The following AIG1 variants were observed in gnomAD, a reference collection of about 807,000 sequenced individuals.
The protein encoded by AIG1 is androgen-induced gene 1 protein.
AIG1 carries 23 observed loss-of-function variants against 31.4 expected under a neutral mutation model. That is an observed-to-expected ratio of 0.73 (90% CI 0.53 to 1.04). The LOEUF (loss-of-function observed/expected upper bound fraction) is 1.04, where lower values mean the gene tolerates loss of function less well. Ranked by LOEUF, AIG1 falls within the 50% of genes least tolerant of loss-of-function variation. The probability of loss-of-function intolerance (pLI) is 0.00; values close to 1 mark genes in which losing one functional copy is unlikely to be tolerated. For synonymous variants in AIG1, 100 were observed against 110.5 expected (o/e 0.90, Z 0.60); for missense variants, 274 against 295.0 (o/e 0.93, Z 0.52).
At chr6:143,096,635 C>A (rs1412309121) in intron 1 of AIG1, among the ~76,000 whole-genome samples, 1 of 152,170 alleles carries the variant, frequency 6.6e-6, no homozygotes, top group Non-Finnish European at 1.5e-5. Context: ...TGCTTAATAG[C>A]TCACTGTGGG....
At chr6:143,221,276 C>G (rs1792495742) in intron 3 of AIG1, among the ~76,000 whole-genome samples, 1 of 152,158 alleles carries the variant, frequency 6.6e-6, no homozygotes, top group Non-Finnish European at 1.5e-5. Flanking sequence ...TCCAGTCCCC[C>G]CTCCAACTTG....
rs373617178 is a variant in AIG1, at chr6:143,094,385, G to A, written c.141+33319G>A. The A allele has an allele frequency of 2.8e-4, 42 of 152,294 alleles. 1 individual carries two copies. Among genetic ancestry groups the A allele is most frequent in the African/African-American group, 9.9e-4 (41 of 41,552 alleles). 9.4% of individuals were successfully genotyped at this position (152,294 alleles called of 1,614,324 possible). ...CTAACAGAAGTACGTTACATCCTGG[G>A]AGATGTAATATACACAAATAAAGTG... is the stretch of plus-strand genomic sequence containing the variant. On this transcript the variant is annotated intron_variant, in intron 1 of 5. Coordinates refer to ENST00000357847, the MANE Select transcript of AIG1 (RefSeq NM_016108.4).
chr6:143,101,615 G>A (rs375230750), intron 1 of AIG1, among the ~76,000 whole-genome samples: 8 of 152,078 alleles, frequency 5.3e-5, no homozygotes, highest in East Asian at 1.9e-4. Flanking sequence ...GTGTGACACC[G>A]TAGAAACTGC....
intron 3 of AIG1, among the ~76,000 whole-genome samples, chr6:143,263,526 A>T (rs753275016): frequency 6.6e-6 from 1 of 152,190 alleles, no homozygotes; most frequent in Non-Finnish European, 1.5e-5. Context: ...AACTTTAATA[A>T]CAAGGTAATA....
chr6:143,158,586 T>G (rs1279151396), intron 2 of AIG1, among the ~76,000 whole-genome samples: 1 of 152,230 alleles, frequency 6.6e-6, no homozygotes, highest in Admixed American at 6.5e-5. Flanking sequence ...AAGAGAGCTT[T>G]CAGTCTTGCA....
intron 3 of AIG1, among the ~76,000 whole-genome samples, chr6:143,172,078 A>G (rs1479389750): frequency 1.3e-5 from 2 of 151,720 alleles, no homozygotes; most frequent in Non-Finnish European, 2.9e-5. Flanking sequence ...TACATTCTGG[A>G]TATTGGTCCT....
At chr6:143,276,073 T>C (rs1474846925) in intron 3 of AIG1, among the ~76,000 whole-genome samples, 1 of 152,152 alleles carries the variant, frequency 6.6e-6, no homozygotes, top group Admixed American at 6.5e-5. Context: ...GTGTCCTCAT[T>C]AGGATTCAGC....
intron 3 of AIG1, among the ~76,000 whole-genome samples, chr6:143,213,823 G>C (rs916434620): frequency 1.3e-5 from 2 of 151,940 alleles, no homozygotes; most frequent in Admixed American, 6.6e-5. Flanking sequence ...GGCCTGGGAA[G>C]TTCTTTCTGA....
At chr6:143,183,696 G>A (rs1193117800) in intron 3 of AIG1, among the ~76,000 whole-genome samples, 1 of 152,154 alleles carries the variant, frequency 6.6e-6, no homozygotes, top group Non-Finnish European at 1.5e-5. Context: ...ATAGTTTGAG[G>A]TCAGCAAAAC....
Position 143,330,304 on chromosome 6 carries a change from G to A in AIG1, c.516-2978G>A, listed in dbSNP as rs574212087. Among the ~76,000 whole-genome samples, 122 of 152,250 alleles carry A rather than the reference G, an allele frequency of 8.0e-4. No homozygotes were observed. Among genetic ancestry groups the A allele is most frequent in the African/African-American group, 2.8e-3 (115 of 41,540 alleles). The stretch of plus-strand genomic sequence containing the variant: ...GGATGAAAGAATAGAGAGTTTGAGG[G>A]TAGAGGTTGCAATTTTTAGATACAG... On this transcript the variant is annotated intron_variant, in intron 4 of 5. Coordinates refer to ENST00000357847, the MANE Select transcript of AIG1 (RefSeq NM_016108.4). The surrounding 1 kb of genome is among the most constrained non-coding windows in gnomAD (Gnocchi z 4.4).
rs554901283 is a variant in AIG1, at chr6:143,277,665, C to T, written c.400-6445C>T. 3.9e-5 allele frequency among the ~76,000 whole-genome samples: 6 copies of T among 152,282 alleles called. No homozygotes were observed. In the East Asian group the frequency reaches 5.8e-4, roughly 15 times the overall value. ...GCCTGTATCCTACAGGTGCCAGTAG[C>T]GGACAGGGGATTGCCAGGTCTCTTA... On this transcript the variant is annotated intron_variant, in intron 3 of 5. Transcript: ENST00000357847.
intron 1 of AIG1, among the ~76,000 whole-genome samples, chr6:143,078,224 T>C (rs554371606): frequency 6.6e-6 from 1 of 152,376 alleles, no homozygotes; most frequent in East Asian, 1.9e-4. Context: ...GGTTCCATTT[T>C]ATGGTTACTG....
chr6:143,061,848 C>G (rs1015619289), intron 1 of AIG1, among the ~76,000 whole-genome samples: 3 of 152,242 alleles, frequency 2.0e-5, no homozygotes, highest in African/African-American at 7.2e-5. Context: ...CCCTCTTCAA[C>G]CTCCCTGGAG....
At chr6:143,337,644 G>T (rs1208287559) in intron 5 of AIG1, among the ~76,000 whole-genome samples, 1 of 152,206 alleles carries the variant, frequency 6.6e-6, no homozygotes, top group East Asian at 1.9e-4. Context: ...TGTGAGGACA[G>T]AGAAAGTAGG....
chr6:143,190,605 C>A (rs1214072311), intron 3 of AIG1: 1 of 985,268 alleles, frequency 1.0e-6, no homozygotes, highest in East Asian at 1.1e-4. Context: ...AAACTTCATT[C>A]AGTGTCCTGG....
chr6:143,139,316 C>T (rs1784055786), intron 2 of AIG1, among the ~76,000 whole-genome samples: 1 of 145,372 alleles, frequency 6.9e-6, no homozygotes. Context: ...CCTCTTAAAC[C>T]AGAAGTCCCA....
intron 1 of AIG1, among the ~76,000 whole-genome samples, chr6:143,131,063 C>T (rs1265725536): frequency 2.0e-5 from 3 of 152,224 alleles, no homozygotes; most frequent in African/African-American, 7.2e-5. Context: ...TACATTTATA[C>T]TTACATGCTT....
intron 3 of AIG1, among the ~76,000 whole-genome samples, chr6:143,240,097 C>T (rs1001495395): frequency 1.3e-5 from 2 of 152,224 alleles, no homozygotes; most frequent in Admixed American, 6.5e-5. Context: ...GGAACAGACT[C>T]TTCAGCCAGA....
intron 3 of AIG1, among the ~76,000 whole-genome samples, chr6:143,203,548 C>CT (rs1475577492): frequency 6.6e-6 from 1 of 152,176 alleles, no homozygotes; most frequent in African/African-American, 2.4e-5. Flanking sequence ...AGTGCCTAAT[C>CT]TATGTCTTAC....
Sources: gnomAD v4.1 joint callset for allele counts (sites outside exome capture counted in the v4.1 genomes callset) on GRCh38, gnomAD v4.1.1 for gene constraint, Gnocchi (gnomAD v3.1) non-coding constraint, MANE v1.5 for transcripts, NCBI Gene and HGNC (gene_info 2026-07-23, HGNC 2026-07-21) for gene names.